Variants in SNX8 observed in about 807,000 individuals in gnomAD.
SNX8 encodes the protein sorting nexin 8.
A neutral mutation model predicts 51.6 loss-of-function variants in SNX8; 25 were observed. That is an observed-to-expected ratio of 0.48 (90% CI 0.35 to 0.68). SNX8 has a LOEUF of 0.68. SNX8 is among the 30% of genes least tolerant of loss of function. The pLI is 0.00. For synonymous variants in SNX8, 324 were observed against 277.0 expected, an observed-to-expected ratio of 1.17 and a Z score of -1.68; for missense variants, 695 against 624.0, an observed-to-expected ratio of 1.11 and a Z score of -1.21.
At chr7:2,335,500 A>T (rs1191590157) in intron 1 of SNX8, among the ~76,000 whole-genome samples, 1 of 151,970 alleles carries the variant, frequency 6.6e-6, no homozygotes, top group East Asian at 1.9e-4. Context: ...AAAAGAAAGA[A>T]ACAATATGCT....
At chr7:2,341,216 A>G (rs554431644) in intron 1 of SNX8, among the ~76,000 whole-genome samples, 2 of 152,028 alleles carry the variant, frequency 1.3e-5, no homozygotes, top group South Asian at 2.1e-4. Flanking sequence ...AAAAGAAAAA[A>G]GAAAATAAAT....
chr7:2,302,372 G>A (rs1055688725), intron 1 of SNX8, among the ~76,000 whole-genome samples: 33 of 152,378 alleles, frequency 2.2e-4, no homozygotes, highest in Admixed American at 1.8e-3. Flanking sequence ...CCGAGGTGCC[G>A]GGATTGCAGA....
chr7:2,268,480 G>A (rs1436576745), intron 5 of SNX8, among the ~76,000 whole-genome samples: 12 of 135,330 alleles, frequency 8.9e-5, no homozygotes, highest in African/African-American at 2.0e-4. Flanking sequence ...CCGGCCAGCC[G>A]CCCCATCCGG....
chr7:2,262,077 G>A (rs542157912), intron 7 of SNX8, among the ~76,000 whole-genome samples: 66 of 152,118 alleles, frequency 4.3e-4, no homozygotes, highest in Non-Finnish European at 9.4e-4. Flanking sequence ...TCGCTCTGTC[G>A]CCCAGGCTGG....
intron 1 of SNX8, among the ~76,000 whole-genome samples, chr7:2,303,225 A>C (rs1472135230): frequency 7.7e-6 from 1 of 129,646 alleles, no homozygotes; most frequent in Non-Finnish European, 1.6e-5. Flanking sequence ...CCCGTCCAGG[A>C]GGGAGGTCAG....
chr7:2,319,374 T>C (rs896754753), upstream of SNX8, among the ~76,000 whole-genome samples: 4 of 144,170 alleles, frequency 2.8e-5, no homozygotes, highest in Non-Finnish European at 6.1e-5. Context: ...AAACTGTAAA[T>C]TGTGGCCAGG....
At chr7:2,294,268 T>C (rs2115172408) in intron 1 of SNX8, among the ~76,000 whole-genome samples, 1 of 145,550 alleles carries the variant, frequency 6.9e-6, no homozygotes, top group African/African-American at 2.6e-5. Flanking sequence ...CATCTCAAAA[T>C]AAATAAATAA....
At chr7:2,264,250 T>G in intron 6 of SNX8, 48 bp downstream of exon 6, 1 of 1,566,148 alleles carries the variant, frequency 6.4e-7, no homozygotes, top group Non-Finnish European at 8.7e-7. Flanking sequence ...CCAGCATGGA[T>G]TCCCGTCCCA....
At chr7:2,342,782 G>A (rs1368993432) in intron 1 of SNX8, among the ~76,000 whole-genome samples, 1 of 151,908 alleles carries the variant, frequency 6.6e-6, no homozygotes, top group Non-Finnish European at 1.5e-5. Context: ...CAGCCAAATA[G>A]GGCTCCATCC....
At chr7:2,311,554 C>T (rs190238905) in intron 1 of SNX8, among the ~76,000 whole-genome samples, 41 of 152,216 alleles carry the variant, frequency 2.7e-4, no homozygotes, top group African/African-American at 8.7e-4. Context: ...TCCAGCCCAC[C>T]CAATCAGGGT....
intron 1 of SNX8, among the ~76,000 whole-genome samples, chr7:2,303,431 G>T (rs935867045): frequency 2.0e-5 from 3 of 152,068 alleles, no homozygotes; most frequent in African/African-American, 7.2e-5. Context: ...CCTCTGCCCG[G>T]CCACCACCCC....
At chr7:2,286,927 T>G (rs555356974) in intron 1 of SNX8, among the ~76,000 whole-genome samples, 267 of 151,306 alleles carry the variant, frequency 1.8e-3, no homozygotes, top group South Asian at 4.4e-3. Context: ...GATCATGAGG[T>G]CAGGAGTTCA....
At chr7:2,290,375 A>G (rs1383911441) in intron 1 of SNX8, among the ~76,000 whole-genome samples, 1 of 152,006 alleles carries the variant, frequency 6.6e-6, no homozygotes, top group African/African-American at 2.4e-5. Context: ...ACGGTGATGC[A>G]TGCCTGTAAT....
At chr7:2,271,030 A>T (rs1464076803) in intron 4 of SNX8, among the ~76,000 whole-genome samples, 1 of 152,154 alleles carries the variant, frequency 6.6e-6, no homozygotes, top group Non-Finnish European at 1.5e-5. Flanking sequence ...AGGAAACAGG[A>T]GCTGGGCTGC....
Position 2,293,702 on chromosome 7 carries a change from C to T in SNX8, c.95-15397G>A, listed in dbSNP as rs923815573. Among the ~76,000 whole-genome samples the T allele has an allele frequency of 1.0e-3, 151 of 151,746 alleles. 1 individual carries two copies. Among genetic ancestry groups the T allele is most frequent in the African/African-American group, 3.1e-3 (129 of 41,348 alleles). On this transcript the variant is annotated intron_variant, in intron 1 of 10. Transcript: ENST00000222990. The stretch of plus-strand genomic sequence containing the variant: ...AGGCCAGGCCAGGCATGGTGGCTCA[C>T]GCCTGTAATCCCAGCACTTTGGGAG...
intron 5 of SNX8, 33 bp from the exon 6 acceptor site, chr7:2,264,491 T>TA: frequency 6.3e-7 from 1 of 1,590,914 alleles, no homozygotes; most frequent in South Asian, 1.1e-5. Context: ...GACACTGTGT[T>TA]AGTCGCTGGG....
chr7:2,285,139 G>C (rs1795996000), intron 1 of SNX8, among the ~76,000 whole-genome samples: 1 of 150,652 alleles, frequency 6.6e-6, no homozygotes, highest in Admixed American at 6.7e-5. Context: ...GTGAACCCGG[G>C]AGGCAGAAGT....
At chr7:2,285,290 G>A (rs969596073) in intron 1 of SNX8, among the ~76,000 whole-genome samples, 1 of 151,620 alleles carries the variant, frequency 6.6e-6, no homozygotes, top group Non-Finnish European at 1.5e-5. Context: ...TTGGGAGGCT[G>A]AGGCAGGAGA....
intron 9 of SNX8, 45 bp from the exon 10 acceptor site, chr7:2,257,068 C>T (rs756009022): frequency 1.0e-5 from 16 of 1,549,382 alleles, no homozygotes; most frequent in Admixed American, 1.8e-5. Context: ...CAGCCGGCGA[C>T]GGGAGCACCA....
Sources: gnomAD v4.1 joint callset for allele counts (sites outside exome capture counted in the v4.1 genomes callset) on GRCh38, gnomAD v4.1.1 for gene constraint, MANE v1.5 for transcripts, NCBI Gene and HGNC (gene_info 2026-07-23, HGNC 2026-07-21) for gene names.